The following NAV3 variants were observed in gnomAD, a reference collection of about 807,000 sequenced individuals.
NAV3 encodes the protein neuron navigator 3, also known as pore membrane and/or filament interacting like protein 1.
NAV3 carries 87 observed loss-of-function variants against 244.7 expected under a neutral mutation model. That is an observed-to-expected ratio of 0.36 (90% CI 0.30 to 0.42). NAV3 has a LOEUF of 0.42. Among genes scored for constraint, NAV3 ranks in the 20% least tolerant of loss-of-function variants. The pLI, the probability that NAV3 is intolerant of heterozygous loss-of-function variation, is 1.00. For missense variants in NAV3, 2,663 were observed against 2,893.3 expected, an observed-to-expected ratio of 0.92 and a Z score of 1.83; for synonymous variants, 1,126 against 1,042.2, an observed-to-expected ratio of 1.08 and a Z score of -1.55.
intron 2 of NAV3, among the ~76,000 whole-genome samples, chr12:77,572,569 G>T (rs1283360032): frequency 6.6e-6 from 1 of 152,160 alleles, no homozygotes; most frequent in Non-Finnish European, 1.5e-5. Context: ...GAGACCCAGG[G>T]TGAGGCATGA....
At chr12:77,580,674 TG>T (rs1464522644) in intron 2 of NAV3, among the ~76,000 whole-genome samples, 24 of 152,208 alleles carry the variant, frequency 1.6e-4, no homozygotes, top group Non-Finnish European at 3.2e-4. Flanking sequence ...ATTAGAGTTT[TG>T]TTTCTATTTT....
chr12:78,073,951 A>T (rs1176773921), intron 12 of NAV3, among the ~76,000 whole-genome samples: 2 of 152,242 alleles, frequency 1.3e-5, no homozygotes, highest in Non-Finnish European at 2.9e-5. Context: ...AGATATGTTC[A>T]TACTCAAATA....
At chr12:77,896,248 G>C (rs1439742870) in intron 1 of NAV3, among the ~76,000 whole-genome samples, 1 of 151,964 alleles carries the variant, frequency 6.6e-6, no homozygotes, top group Non-Finnish European at 1.5e-5. Context: ...ATAGCTCATG[G>C]GTCTGCCTGC....
At chr12:77,660,243 A>G (rs993098537) in intron 2 of NAV3, among the ~76,000 whole-genome samples, 2 of 152,204 alleles carry the variant, frequency 1.3e-5, no homozygotes, top group Non-Finnish European at 2.9e-5. Flanking sequence ...AGCTACTACC[A>G]TCAGTTTAAA....
intron 5 of NAV3, among the ~76,000 whole-genome samples, chr12:77,978,407 C>T (rs1164229285): frequency 1.3e-5 from 2 of 152,058 alleles, no homozygotes; most frequent in Admixed American, 6.6e-5. Flanking sequence ...AAATTTGATT[C>T]TAACCACAGG....
intron 2 of NAV3, among the ~76,000 whole-genome samples, chr12:77,573,555 A>G (rs886970255): frequency 6.6e-6 from 1 of 152,174 alleles, no homozygotes; most frequent in Non-Finnish European, 1.5e-5. Context: ...CCAAATGTTC[A>G]GCCTGCTTTT....
chr12:77,884,322 G>A (rs1287992403), intron 1 of NAV3, among the ~76,000 whole-genome samples: 2 of 152,080 alleles, frequency 1.3e-5, no homozygotes, highest in African/African-American at 2.4e-5. Context: ...GATATATCCT[G>A]GGAATTCTCT....
chr12:77,767,369 C>G (rs1373433387), intron 2 of NAV3, among the ~76,000 whole-genome samples: 2 of 152,174 alleles, frequency 1.3e-5, no homozygotes, highest in Non-Finnish European at 2.9e-5. Context: ...GCCAGTGTTG[C>G]CTCAGCCTGA....
At chr12:78,153,566 G>A (rs1957159016) in intron 22 of NAV3, among the ~76,000 whole-genome samples, 1 of 152,082 alleles carries the variant, frequency 6.6e-6, no homozygotes, top group Non-Finnish European at 1.5e-5. Flanking sequence ...CCTTAAGGCA[G>A]CTGGGTCAGG....
At chr12:77,964,036 TC>T in intron 3 of NAV3, among the ~76,000 whole-genome samples, 1 of 148,928 alleles carries the variant, frequency 6.7e-6, no homozygotes, top group Non-Finnish European at 1.5e-5. Flanking sequence ...TCCTCCTTTT[TC>T]TCCTTCTCCT....
At chr12:78,066,987 C>G (rs909925737) in intron 12 of NAV3, among the ~76,000 whole-genome samples, 5 of 152,086 alleles carry the variant, frequency 3.3e-5, no homozygotes, top group Admixed American at 3.3e-4. Flanking sequence ...GGGCACCATG[C>G]CAGTTCTCAT....
chr12:77,804,364 G>A (rs190469882), intron 2 of NAV3, among the ~76,000 whole-genome samples: 7 of 152,148 alleles, frequency 4.6e-5, no homozygotes, highest in Non-Finnish European at 7.4e-5. Context: ...GTGTATAAGG[G>A]GTACAGTTTC....
intron 23 of NAV3, among the ~76,000 whole-genome samples, chr12:78,162,853 C>A (rs990699268): frequency 2.9e-5 from 3 of 104,746 alleles, no homozygotes; most frequent in South Asian, 3.5e-4. Context: ...CAGAGCAAGA[C>A]TCTGTCTCAA....
intron 2 of NAV3, among the ~76,000 whole-genome samples, chr12:77,693,061 A>G (rs1875111083): frequency 6.6e-6 from 1 of 152,128 alleles, no homozygotes; most frequent in African/African-American, 2.4e-5. Flanking sequence ...TCCAAAAAAT[A>G]GAAAGAAAGC....
In NAV3 at chr12:78,178,314, C is replaced by G. The variant is rs150751074; in HGVS notation, c.5363+629C>G. On this transcript the variant is annotated intron_variant, in intron 28 of 39. Transcript: ENST00000397909. The stretch of plus-strand genomic sequence containing the variant: ...AGCTGGGTTTACAGGCGTGCACCAC[C>G]ACACCTGGCTAATTTTTTGTATTTT... Among the ~76,000 whole-genome samples the G allele has an allele frequency of 6.2e-3, 944 of 151,940 alleles. 11 individuals are homozygous for G. The highest frequency in any genetic ancestry group is 0.021 in the African/African-American group (862 of 41,460).
At chr12:78,089,151 T>G (rs180800952) in intron 12 of NAV3, among the ~76,000 whole-genome samples, 258 of 152,258 alleles carry the variant, frequency 1.7e-3, no homozygotes, top group Middle Eastern at 3.4e-3. Flanking sequence ...TTTTTTTCCA[T>G]ACCACCATTC....
chr12:77,843,343 C>T (rs1876025547), intron 1 of NAV3, among the ~76,000 whole-genome samples: 1 of 152,036 alleles, frequency 6.6e-6, no homozygotes, highest in Admixed American at 6.6e-5. Flanking sequence ...TCAGTTACCA[C>T]TTCCAGGTCT....
intron 20 of NAV3, among the ~76,000 whole-genome samples, chr12:78,142,172 T>C (rs427713): frequency 0.7 from 106,488 of 151,878 alleles, 37,676 homozygotes; most frequent in African/African-American, 0.76. Flanking sequence ...TCCACTTTCC[T>C]AGATTTGATC....
chr12:77,727,092 A>ATG (rs1363053920), intron 2 of NAV3, among the ~76,000 whole-genome samples: 13 of 151,998 alleles, frequency 8.6e-5, no homozygotes. Flanking sequence ...ATTGAGGAAT[A>ATG]TCCACAGATT....
Sources: gnomAD v4.1 joint callset for allele counts (sites outside exome capture counted in the v4.1 genomes callset) on GRCh38, gnomAD v4.1.1 for gene constraint, MANE v1.5 for transcripts, NCBI Gene and HGNC (gene_info 2026-07-23, HGNC 2026-07-21) for gene names.